The following AKAP6 variants were observed in gnomAD, a reference collection of about 807,000 sequenced individuals.
The protein encoded by AKAP6 is A-kinase anchor protein 6.
In AKAP6, 58 loss-of-function variants were observed where a neutral mutation model predicts 188.5. That is an observed-to-expected ratio of 0.31 (90% CI 0.25 to 0.38). AKAP6 has a LOEUF of 0.38. AKAP6 is among the 10% of genes least tolerant of loss of function. The pLI, the probability that AKAP6 is intolerant of heterozygous loss-of-function variation, is 1.00. For missense variants in AKAP6, 2,710 were observed against 2,740.0 expected, an observed-to-expected ratio of 0.99 and a Z score of 0.24; for synonymous variants, 989 against 998.6, an observed-to-expected ratio of 0.99 and a Z score of 0.18.
At chr14:32,808,827 G>A (rs560376952) in intron 12 of AKAP6, among the ~76,000 whole-genome samples, 1 of 152,138 alleles carries the variant, frequency 6.6e-6, no homozygotes, top group African/African-American at 2.4e-5. Context: ...TTGGTGTGCA[G>A]TAATATGTAA....
chr14:32,673,524 C>T (rs1889306290), intron 7 of AKAP6, among the ~76,000 whole-genome samples: 2 of 152,068 alleles, frequency 1.3e-5, no homozygotes, highest in Admixed American at 6.6e-5. Flanking sequence ...CATCTGAGCC[C>T]AGGAGTTCAA....
chr14:32,346,975 G>T (rs192003663), intron 1 of AKAP6, among the ~76,000 whole-genome samples: 1 of 152,258 alleles, frequency 6.6e-6, no homozygotes, highest in African/African-American at 2.4e-5. Flanking sequence ...ATCATATAGA[G>T]ATATTTATTA....
chr14:32,572,234 ATC>A (rs1884522984), intron 4 of AKAP6, among the ~76,000 whole-genome samples: 1 of 152,210 alleles, frequency 6.6e-6, no homozygotes, highest in Admixed American at 6.5e-5. Context: ...CAGTTTCCTC[ATC>A]TGTAAAATGA....
chr14:32,658,290 A>C (rs1013829058), intron 7 of AKAP6, among the ~76,000 whole-genome samples: 1 of 152,104 alleles, frequency 6.6e-6, no homozygotes, highest in Non-Finnish European at 1.5e-5. Flanking sequence ...CCTGTTTAAA[A>C]TGTGAAAGCT....
intron 2 of AKAP6, among the ~76,000 whole-genome samples, chr14:32,451,087 A>G (rs575194341): frequency 9.2e-5 from 14 of 152,206 alleles, no homozygotes; most frequent in Non-Finnish European, 1.5e-4. Context: ...ACTTATGAAC[A>G]AACAAACATG....
chr14:32,331,218 G>A (rs1886522262), intron 1 of AKAP6, among the ~76,000 whole-genome samples: 1 of 152,016 alleles, frequency 6.6e-6, no homozygotes, highest in Admixed American at 6.6e-5. Flanking sequence ...AAAGCAAAAG[G>A]CAGCATTGTA....
chr14:32,774,399 A>G (rs2032991183), intron 12 of AKAP6, among the ~76,000 whole-genome samples: 1 of 152,224 alleles, frequency 6.6e-6, no homozygotes, highest in Non-Finnish European at 1.5e-5. Context: ...CTATTTGTAC[A>G]GTAATCTCCT....
chr14:32,732,377 T>A, intron 9 of AKAP6, 77 bp from the exon 10 acceptor site: 1 of 1,500,982 alleles, frequency 6.7e-7, no homozygotes, highest in African/African-American at 1.4e-5. Context: ...CTCGTAAGCA[T>A]CACAAATTCT....
chr14:32,494,671 T>C (rs753206464), intron 2 of AKAP6, among the ~76,000 whole-genome samples: 3 of 152,168 alleles, frequency 2.0e-5, no homozygotes, highest in Non-Finnish European at 2.9e-5. Flanking sequence ...TGTGACTGGA[T>C]ACTGCAGTCG....
intron 9 of AKAP6, among the ~76,000 whole-genome samples, chr14:32,714,688 T>G (rs2030088918): frequency 6.6e-6 from 1 of 151,980 alleles, no homozygotes; most frequent in African/African-American, 2.4e-5. Flanking sequence ...CCTTCTTCTT[T>G]AGGCAGAATT....
At chr14:32,702,224 A>G (rs1054434130) in intron 9 of AKAP6, among the ~76,000 whole-genome samples, 1 of 152,198 alleles carries the variant, frequency 6.6e-6, no homozygotes, top group African/African-American at 2.4e-5. Flanking sequence ...TTCAAATAAC[A>G]TTATCTAGTC....
chr14:32,588,653 G>A (rs894878167), intron 5 of AKAP6, among the ~76,000 whole-genome samples: 2 of 152,134 alleles, frequency 1.3e-5, no homozygotes, highest in African/African-American at 4.8e-5. Flanking sequence ...CCACATGGTG[G>A]CACAGAAGCA....
intron 7 of AKAP6, among the ~76,000 whole-genome samples, chr14:32,658,153 A>T (rs1888530683): frequency 6.6e-6 from 1 of 152,128 alleles, no homozygotes; most frequent in Non-Finnish European, 1.5e-5. Flanking sequence ...GTAGATGGTC[A>T]CATAGATAAT....
At chr14:32,747,919 T>C (rs141618943) in intron 11 of AKAP6, among the ~76,000 whole-genome samples, 294 of 152,318 alleles carry the variant, frequency 1.9e-3, no homozygotes, top group African/African-American at 6.6e-3. Flanking sequence ...ACTCATTTTA[T>C]ATGTGGTGTT....
intron 7 of AKAP6, among the ~76,000 whole-genome samples, chr14:32,633,320 A>G (rs1207684204): frequency 6.6e-6 from 1 of 152,094 alleles, no homozygotes; most frequent in African/African-American, 2.4e-5. Context: ...ATCCCCTTCT[A>G]CGAAGTTTAC....
Position 32,822,744 on chromosome 14 carries a change from G to A in AKAP6, c.4931G>A (p.Ser1644Asn), listed in dbSNP as rs377427259. 2 of 1,613,872 alleles carry A rather than the reference G, an allele frequency of 1.2e-6. No homozygotes were observed. The highest frequency in any genetic ancestry group is 1.1e-5 in the South Asian group (1 of 91,074). The change falls in exon 13 of 14, where the codon AGC (serine) becomes AAC (asparagine). Residue 1644 changes from serine to asparagine, a missense_variant. Transcript: ENST00000280979. ...DLLNRLENIQ[S>N]PSEQKIKRSV... is the part of the protein sequence containing the mutation. Reference sequence around the variant, plus strand: ...CTGAATCGTTTGGAGAATATCCAGAGCCCCTCAGAGCAAAAGATAAAACGA... The same window carrying A: ...CTGAATCGTTTGGAGAATATCCAGAACCCCTCAGAGCAAAAGATAAAACGA...
At chr14:32,607,118 T>A in intron 7 of AKAP6, among the ~76,000 whole-genome samples, 1 of 152,190 alleles carries the variant, frequency 6.6e-6, no homozygotes, top group East Asian at 1.9e-4. Context: ...GGGAGCTTCT[T>A]GGCAAGATGT....
intron 9 of AKAP6, among the ~76,000 whole-genome samples, chr14:32,705,913 A>G (rs1190877439): frequency 1.3e-5 from 2 of 152,166 alleles, no homozygotes; most frequent in Admixed American, 1.3e-4. Context: ...CACTCTGGCC[A>G]TTAAGCCTTC....
intron 1 of AKAP6, among the ~76,000 whole-genome samples, chr14:32,420,061 A>G (rs1889789270): frequency 6.6e-6 from 1 of 152,106 alleles, no homozygotes; most frequent in East Asian, 1.9e-4. Context: ...TTTTTAATCT[A>G]GGTATTTTTT....
Sources: allele counts gnomAD v4.1 joint callset (sites outside exome capture counted in the v4.1 genomes callset), GRCh38; gene constraint gnomAD v4.1.1; transcripts MANE v1.5; gene names NCBI Gene and HGNC (gene_info 2026-07-23, HGNC 2026-07-21).